Variants in ADAMTS2 observed in about 807,000 individuals in gnomAD.
The protein encoded by ADAMTS2 is A disintegrin and metalloproteinase with thrombospondin motifs 2.
ADAMTS2 carries 50 observed loss-of-function variants against 123.0 expected under a neutral mutation model. The observed-to-expected ratio is 0.41, with a 90% CI of 0.32 to 0.51. ADAMTS2 has a LOEUF of 0.51. Ranked by LOEUF, ADAMTS2 falls within the 20% of genes least tolerant of loss-of-function variation. The probability of loss-of-function intolerance (pLI) is 0.35; values close to 1 mark genes in which losing one functional copy is unlikely to be tolerated. For missense variants in ADAMTS2, 1,494 were observed against 1,705.2 expected, an observed-to-expected ratio of 0.88 and a Z score of 2.18; for synonymous variants, 678 against 695.4, an observed-to-expected ratio of 0.98 and a Z score of 0.39.
At position 179,130,668 on chromosome 5, in the gene ADAMTS2, G is replaced by C. The variant is rs902405202; in HGVS notation, c.2291-570C>G. On this transcript the variant is annotated intron_variant, in intron 15 of 21. Transcript: ENST00000251582. The surrounding 1 kb of genome is among the most constrained non-coding windows in gnomAD (Gnocchi z 4.3). ...ACACTCAGGTCATCTAGGAGCAGAGGACCTGGCTAGCCAGGAAGCCCCATG... is the reference window on the plus strand; with the variant it reads ...ACACTCAGGTCATCTAGGAGCAGAGCACCTGGCTAGCCAGGAAGCCCCATG... 1.3e-5 allele frequency among the ~76,000 whole-genome samples: 2 copies of C among 152,200 alleles called. No individual in the cohort carries two copies. Among genetic ancestry groups the C allele is most frequent in the African/African-American group, 4.8e-5 (2 of 41,440 alleles).
At chr5:179,210,932 ACT>A (rs1174223695) in intron 3 of ADAMTS2, among the ~76,000 whole-genome samples, 6 of 152,220 alleles carry the variant, frequency 3.9e-5, no homozygotes, top group South Asian at 4.2e-4. Flanking sequence ...CCATGAAGAG[ACT>A]CTGACCACAT....
At position 179,196,242 on chromosome 5, in the gene ADAMTS2, A is replaced by C. The variant is rs142298723; in HGVS notation, c.891+11271T>G. The stretch of plus-strand genomic sequence containing the variant: ...TATCTGAATCCTGGCATAGAGAGAA[A>C]TCATTCATTCAAAAAAAACGGTCGT... On this transcript the variant is annotated intron_variant, in intron 4 of 21. Coordinates refer to ENST00000251582, the MANE Select transcript of ADAMTS2 (RefSeq NM_014244.5). 8.3e-3 allele frequency among the ~76,000 whole-genome samples: 1,265 copies of C among 152,056 alleles called. 18 individuals carry two copies. The highest frequency in any genetic ancestry group is 0.029 in the African/African-American group (1,191 of 41,328).
At chr5:179,209,562 G>GCACACACACACA (rs1334725355) in intron 3 of ADAMTS2, among the ~76,000 whole-genome samples, 1 of 112,688 alleles carries the variant, frequency 8.9e-6, no homozygotes, top group Non-Finnish European at 2.0e-5. Context: ...ACACACACAA[G>GCACACACACACA]CACACACATG....
chr5:179,278,634 A>G (rs1766808251), intron 2 of ADAMTS2, among the ~76,000 whole-genome samples: 1 of 151,918 alleles, frequency 6.6e-6, no homozygotes, highest in Non-Finnish European at 1.5e-5. Flanking sequence ...ACCTGGCTCT[A>G]AGTGTGAGTC....
rs1414080851 is a variant in ADAMTS2, at chr5:179,111,308, C to G, written c.*2559G>C. On this transcript the variant is annotated 3_prime_UTR_variant, in exon 22 of 22. Transcript: ENST00000251582. The stretch of plus-strand genomic sequence containing the variant: ...CAGCTAGAAGACATCTGTCTGCCTC[C>G]TCTGGGCGCCAGGAGCCCCTCAGAT... 3 of 152,248 alleles carry G rather than the reference C, an allele frequency of 2.0e-5. No homozygotes were observed. The highest frequency in any genetic ancestry group is 7.2e-5 in the African/African-American group (3 of 41,464). The allele number at this position is 152,248 out of a possible 1,614,324, so 9.4% of individuals were successfully genotyped here. A position where few individuals can be genotyped will look rare whatever the true frequency, so the allele number is the denominator to read the frequency against.
Position 179,345,092 on chromosome 5 carries a change from A to G in ADAMTS2, c.139+98T>C. 3.2e-6 allele frequency: 3 copies of G among 941,330 alleles called. No homozygotes were observed. Among genetic ancestry groups the G allele is most frequent in the Admixed American group, 5.7e-5 (1 of 17,632 alleles). 58.3% of individuals were successfully genotyped at this position (941,330 alleles called of 1,614,324 possible). ...GGGCGGGGCGCGCGGAGTTTGCCCA[A>G]GTCAGGCTGGACGACGCCTGGGGAG... On this transcript the variant is annotated intron_variant, in intron 1 of 21. Coordinates refer to ENST00000251582, the MANE Select transcript of ADAMTS2 (RefSeq NM_014244.5). The surrounding 1 kb of genome is among the most constrained non-coding windows in gnomAD (Gnocchi z 7.5).
rs780526472 is a variant in ADAMTS2 at position 179,170,844 on chromosome 5, G to A, written c.975+10228C>T. 6.6e-6 allele frequency among the ~76,000 whole-genome samples: 1 copy of A among 152,178 alleles called. No individual in the cohort carries two copies. The highest frequency in any genetic ancestry group is 6.5e-5 in the Admixed American group (1 of 15,280). On this transcript the variant is annotated intron_variant, in intron 5 of 21. Transcript: ENST00000251582. This position sits in a 1 kb window ranked among gnomAD's most constrained non-coding sequence, Gnocchi z 4.3. The stretch of plus-strand genomic sequence containing the variant: ...AACAGCAGCTGCTCGGGAAGCCAGA[G>A]GCTCTGGGCTGGCCGGATGCTTTGG...
intron 3 of ADAMTS2, among the ~76,000 whole-genome samples, chr5:179,267,997 T>A (rs1052440976): frequency 6.6e-6 from 1 of 152,230 alleles, no homozygotes; most frequent in East Asian, 1.9e-4. Context: ...GCCGACTCAC[T>A]GAGCTCAGCG....
rs115167597 is a variant in ADAMTS2 at position 179,217,014 on chromosome 5, G to A, written c.689-9299C>T. On this transcript the variant is annotated intron_variant, in intron 3 of 21. Coordinates refer to ENST00000251582, the MANE Select transcript of ADAMTS2 (RefSeq NM_014244.5). ...ACCCTTGGCCCATGGGCCATTGTTCGGCCCCATGGACTGGCTTGCAGATGG... is the reference window on the plus strand; with the variant it reads ...ACCCTTGGCCCATGGGCCATTGTTCAGCCCCATGGACTGGCTTGCAGATGG... Among the ~76,000 whole-genome samples the A allele has an allele frequency of 3.7e-3, 557 of 152,312 alleles. 6 individuals carry two copies. Among genetic ancestry groups the A allele is most frequent in the African/African-American group, 0.011 (475 of 41,574 alleles).
intron 10 of ADAMTS2, among the ~76,000 whole-genome samples, chr5:179,148,634 C>T (rs933506575): frequency 6.6e-6 from 1 of 152,180 alleles, no homozygotes; most frequent in African/African-American, 2.4e-5. Flanking sequence ...TGTGTCCATG[C>T]CTGAGCTGCT....
At chr5:179,318,640 G>A (rs934037963) in intron 2 of ADAMTS2, among the ~76,000 whole-genome samples, 3 of 152,200 alleles carry the variant, frequency 2.0e-5, no homozygotes, top group African/African-American at 7.2e-5. Flanking sequence ...GCTGGCATTT[G>A]TCCCCATGAG....
chr5:179,267,440 G>A (rs1460249442), intron 3 of ADAMTS2, among the ~76,000 whole-genome samples: 1 of 152,242 alleles, frequency 6.6e-6, no homozygotes, highest in South Asian at 2.1e-4. Context: ...TGGCACCGGC[G>A]GTGTCTGGGG....
At position 179,111,376 on chromosome 5, in the gene ADAMTS2, C is replaced by T. The variant is rs1319997187; in HGVS notation, c.*2491G>A. 1 of 152,250 alleles carries T rather than the reference C, an allele frequency of 6.6e-6. No individual in the cohort carries two copies. Among genetic ancestry groups the T allele is most frequent in the Non-Finnish European group, 1.5e-5 (1 of 68,042 alleles). 9.4% of individuals were successfully genotyped at this position (152,250 alleles called of 1,614,324 possible). A position where few individuals can be genotyped will look rare whatever the true frequency, so the allele number is the denominator to read the frequency against. On this transcript the variant is annotated 3_prime_UTR_variant, in exon 22 of 22. Coordinates refer to ENST00000251582, the MANE Select transcript of ADAMTS2 (RefSeq NM_014244.5). ...GCGAAGATCAGGACTGTTACTAAGCCGGTTCTCCAAGTGGTCCCCAGCTCA... is the reference window on the plus strand; with the variant it reads ...GCGAAGATCAGGACTGTTACTAAGCTGGTTCTCCAAGTGGTCCCCAGCTCA...
intron 3 of ADAMTS2, among the ~76,000 whole-genome samples, chr5:179,241,720 T>C (rs1372316446): frequency 1.3e-5 from 2 of 152,226 alleles, no homozygotes; most frequent in Admixed American, 6.5e-5. Context: ...GCAGGAAAAG[T>C]GTAGTCAAAA....
intron 3 of ADAMTS2, among the ~76,000 whole-genome samples, chr5:179,213,721 A>G (rs891309327): frequency 2.6e-5 from 4 of 152,248 alleles, no homozygotes; most frequent in Non-Finnish European, 4.4e-5. Context: ...AATGACCAGG[A>G]GGAGTTAAAA....
intron 3 of ADAMTS2, among the ~76,000 whole-genome samples, chr5:179,229,351 CTCCCGACGGAGAGGTAAT>C (rs1201634641): frequency 2.6e-5 from 2 of 76,510 alleles, no homozygotes; most frequent in Non-Finnish European, 5.1e-5. Context: ...CCGCTGCCCA[CTCCCGACGGAGAGGTAAT>C]TCCACAAACA....
chr5:179,302,409 C>CG (rs1756554310), intron 2 of ADAMTS2, among the ~76,000 whole-genome samples: 1 of 101,670 alleles, frequency 9.8e-6, no homozygotes, highest in Non-Finnish European at 2.0e-5. Flanking sequence ...AAAAAAAAAG[C>CG]GGGGGAGTGA....
Position 179,312,661 on chromosome 5 carries a change from C to T in ADAMTS2, c.534+31106G>A, listed in dbSNP as rs937737691. 3.9e-5 allele frequency among the ~76,000 whole-genome samples: 6 copies of T among 152,300 alleles called. 1 individual carries two copies. In the South Asian group the frequency reaches 8.3e-4, roughly 21 times the overall value. On this transcript the variant is annotated intron_variant, in intron 2 of 21. Transcript: ENST00000251582. The surrounding 1 kb of genome is among the most constrained non-coding windows in gnomAD (Gnocchi z 4.2). Reference sequence around the variant, plus strand: ...ATGAGCCAGGCAGAGGAGAAGGCCACGTACAGGCAGAGCAGAGGGAGATGG... The same window carrying T: ...ATGAGCCAGGCAGAGGAGAAGGCCATGTACAGGCAGAGCAGAGGGAGATGG...
At chr5:179,269,393 A>G (rs163489) in intron 3 of ADAMTS2, among the ~76,000 whole-genome samples, 61,787 of 150,918 alleles carry the variant, frequency 0.41, 13,437 homozygotes, top group African/African-American at 0.57. Flanking sequence ...ACAGTTCCAC[A>G]TGGCTGGGGA....
Sources: allele counts gnomAD v4.1 joint callset (sites outside exome capture counted in the v4.1 genomes callset), GRCh38; gene constraint gnomAD v4.1.1; non-coding constraint Gnocchi (gnomAD v3.1); transcripts MANE v1.5; gene names NCBI Gene and HGNC (gene_info 2026-07-23, HGNC 2026-07-21).